Variants in PCED1B observed in about 807,000 individuals in gnomAD.
PCED1B encodes the protein PC-esterase domain containing 1B, also known as PC-esterase domain-containing protein 1B.
For synonymous variants in PCED1B, 251 were observed against 246.1 expected (o/e 1.02, Z -0.19); for missense variants, 573 against 573.9 (o/e 1.00, Z 0.02).
In PCED1B at chr12:47,236,347, G is replaced by T; in HGVS notation, c.1284G>T (p.Glu428Asp). 6.2e-7 allele frequency: 1 copy of T among 1,602,140 alleles called. No homozygotes were observed. Among genetic ancestry groups the T allele is most frequent in the Non-Finnish European group, 8.5e-7 (1 of 1,174,982 alleles). Reference protein sequence around the residue: ...PSKRRAPANPEPRPQ With the variant: ...PSKRRAPANPDPRPQ The stretch of plus-strand genomic sequence containing the variant: ...AGAGAAGGGCCCCAGCCAATCCTGA[G>T]CCAAGGCCTCAATAGACGGACCTAG... The change falls in exon 4 of 4, where the codon GAG becomes GAT. Residue 428 changes from glutamate (E) to aspartate (D), a missense_variant. By Grantham distance (45) the Glu-to-Asp change is conservative. Coordinates refer to ENST00000546455, the MANE Select transcript of PCED1B (RefSeq NM_138371.3).
At chr12:47,111,013 A>T (rs1939170880) in intron 2 of PCED1B, among the ~76,000 whole-genome samples, 3 of 152,184 alleles carry the variant, frequency 2.0e-5, no homozygotes. Context: ...AGAGAAATAC[A>T]TTTCTCCTCC....
intron 1 of PCED1B, among the ~76,000 whole-genome samples, chr12:47,086,360 T>TAA (rs3045485): frequency 0.019 from 1,816 of 95,462 alleles, 72 homozygotes; most frequent in African/African-American, 0.076. Flanking sequence ...GTGCTTATGG[T>TAA]AAAAAAAAAA....
intron 2 of PCED1B, among the ~76,000 whole-genome samples, chr12:47,152,409 A>G (rs113537493): frequency 0.034 from 5,211 of 152,286 alleles, 109 homozygotes; most frequent in South Asian, 0.067. Flanking sequence ...CCTCTGTTGA[A>G]TCACGAGAAA....
intron 2 of PCED1B, among the ~76,000 whole-genome samples, chr12:47,129,012 T>C (rs1940009345): frequency 6.6e-6 from 1 of 152,208 alleles, no homozygotes; most frequent in South Asian, 2.1e-4. Flanking sequence ...CCACAGCTCC[T>C]TTCTCCATCT....
chr12:47,170,951 A>G (rs895664984), intron 2 of PCED1B, among the ~76,000 whole-genome samples: 2 of 152,020 alleles, frequency 1.3e-5, no homozygotes, highest in African/African-American at 4.8e-5. Flanking sequence ...CTGGACTATC[A>G]TATGAAATCC....
At position 47,154,831 on chromosome 12, in the gene PCED1B, C is replaced by G. The variant is rs540886619; in HGVS notation, c.-526+50636C>G. Among the ~76,000 whole-genome samples, 4 of 151,610 alleles carry G rather than the reference C, an allele frequency of 2.6e-5. No individual in the cohort carries two copies. In the South Asian group the frequency reaches 8.3e-4, roughly 32 times the overall value. ...TGTGTGCATCTTCCTACTGCCTCCC[C>G]CAACAATAAGACTGTAATTAGCCTG... On this transcript the variant is annotated intron_variant, in intron 2 of 3. Coordinates refer to ENST00000546455, the MANE Select transcript of PCED1B (RefSeq NM_138371.3).
chr12:47,168,403 C>T (rs2137537543), intron 2 of PCED1B, among the ~76,000 whole-genome samples: 1 of 152,188 alleles, frequency 6.6e-6, no homozygotes, highest in South Asian at 2.1e-4. Context: ...ATTTGATTGT[C>T]TCTCTCTTAT....
intron 2 of PCED1B, among the ~76,000 whole-genome samples, chr12:47,119,892 A>G (rs981484230): frequency 1.3e-5 from 2 of 151,870 alleles, no homozygotes; most frequent in Admixed American, 6.6e-5. Context: ...GTTTGAACCC[A>G]GGGGGCGGAG....
intron 2 of PCED1B, among the ~76,000 whole-genome samples, chr12:47,124,387 T>C (rs1434622408): frequency 6.6e-6 from 1 of 152,056 alleles, no homozygotes; most frequent in African/African-American, 2.4e-5. Flanking sequence ...TTCCATTGCA[T>C]GGATATACCA....
intron 2 of PCED1B, among the ~76,000 whole-genome samples, chr12:47,176,591 A>G (rs913585549): frequency 2.6e-5 from 4 of 152,206 alleles, no homozygotes; most frequent in African/African-American, 9.7e-5. Flanking sequence ...CTCTTAAAAT[A>G]TCCTTTCTAA....
chr12:47,081,262 T>A (rs1468101328), intron 1 of PCED1B, among the ~76,000 whole-genome samples: 1 of 152,128 alleles, frequency 6.6e-6, no homozygotes, highest in East Asian at 1.9e-4. Flanking sequence ...CTTGTAATAT[T>A]ACTTAAAAAT....
chr12:47,168,613 C>A (rs1160927103), intron 2 of PCED1B, among the ~76,000 whole-genome samples: 1 of 152,024 alleles, frequency 6.6e-6, no homozygotes, highest in Non-Finnish European at 1.5e-5. Flanking sequence ...CTTTTCAGCT[C>A]TTAATCTTTA....
intron 1 of PCED1B, among the ~76,000 whole-genome samples, chr12:47,094,188 C>G (rs1351323954): frequency 6.6e-6 from 1 of 152,084 alleles, no homozygotes; most frequent in South Asian, 2.1e-4. Context: ...AACTGTCTCA[C>G]TTTATCTCTA....
chr12:47,089,953 A>G (rs1157315060), intron 1 of PCED1B, among the ~76,000 whole-genome samples: 1 of 152,076 alleles, frequency 6.6e-6, no homozygotes, highest in African/African-American at 2.4e-5. Context: ...TTGTATTTTC[A>G]GCAGAGACAG....
At position 47,166,883 on chromosome 12, in the gene PCED1B, A is replaced by T. The variant is rs139890521; in HGVS notation, c.-525-49339A>T. On this transcript the variant is annotated intron_variant, in intron 2 of 3. Transcript: ENST00000546455. ...ATTAACAAGAGAAAAAAACAGTTTT[A>T]ATTATGTACATAGCTACATACGTAA... is the stretch of plus-strand genomic sequence containing the variant. Among the ~76,000 whole-genome samples the T allele has an allele frequency of 1.1e-3, 171 of 152,322 alleles. 1 individual carries two copies. The East Asian group carries it at 0.03, about 27-fold the overall frequency.
chr12:47,233,123 C>T (rs1211097529), intron 3 of PCED1B, among the ~76,000 whole-genome samples: 1 of 152,062 alleles, frequency 6.6e-6, no homozygotes, highest in African/African-American at 2.4e-5. Flanking sequence ...CCAGGCTGGT[C>T]TCGAACTCCT....
intron 2 of PCED1B, among the ~76,000 whole-genome samples, chr12:47,173,381 G>A (rs1467693915): frequency 1.3e-5 from 2 of 152,140 alleles, no homozygotes; most frequent in Non-Finnish European, 2.9e-5. Context: ...AGCCTCTCGA[G>A]TAGCTGGGAC....
chr12:47,089,230 C>T (rs1336666692), intron 1 of PCED1B, among the ~76,000 whole-genome samples: 2 of 151,768 alleles, frequency 1.3e-5, no homozygotes, highest in Non-Finnish European at 1.5e-5. Flanking sequence ...ATCATGAGGT[C>T]AGGAGATCGA....
intron 2 of PCED1B, among the ~76,000 whole-genome samples, chr12:47,189,925 G>C (rs10785665): frequency 0.43 from 64,908 of 152,002 alleles, 16,851 homozygotes; most frequent in South Asian, 0.59. Context: ...ATCCACAGAA[G>C]AGCTGCCTCT....
Sources: gnomAD v4.1 joint callset for allele counts (sites outside exome capture counted in the v4.1 genomes callset) on GRCh38, gnomAD v4.1.1 for gene constraint, MANE v1.5 for transcripts, NCBI Gene and HGNC (gene_info 2026-07-23, HGNC 2026-07-21) for gene names.